The following CORO1C variants were observed in gnomAD, a reference collection of about 807,000 sequenced individuals.
CORO1C encodes coronin 1C, also known as coronin-1C.
CORO1C carries 14 observed loss-of-function variants against 51.2 expected under a neutral mutation model. The ratio of observed to expected loss-of-function variants is 0.27; its 90% CI spans 0.18 to 0.43. The LOEUF (loss-of-function observed/expected upper bound fraction) is 0.43, where lower values mean the gene tolerates loss of function less well. CORO1C is among the 20% of genes least tolerant of loss of function. CORO1C has a pLI of 1.00. For synonymous variants in CORO1C, 181 were observed against 210.5 expected, an observed-to-expected ratio of 0.86 and a Z score of 1.21; for missense variants, 417 against 607.8, an observed-to-expected ratio of 0.69 and a Z score of 3.30.
chr12:108,724,055 T>A (rs753129444), intron 1 of CORO1C, among the ~76,000 whole-genome samples: 3 of 152,204 alleles, frequency 2.0e-5, no homozygotes, highest in Non-Finnish European at 4.4e-5. Context: ...ATATCATGTA[T>A]TTTCAAGTTT....
intron 2 of CORO1C, among the ~76,000 whole-genome samples, chr12:108,689,694 G>A (rs1379644192): frequency 6.6e-6 from 1 of 152,184 alleles, no homozygotes; most frequent in Non-Finnish European, 1.5e-5. Context: ...TACATGACCT[G>A]ACTCAAAGAA....
intron 2 of CORO1C, among the ~76,000 whole-genome samples, chr12:108,698,270 G>A (rs894124139): frequency 6.6e-6 from 1 of 152,146 alleles, no homozygotes; most frequent in Non-Finnish European, 1.5e-5. Flanking sequence ...TTGAATTAGG[G>A]GGACAAAAAT....
intron 1 of CORO1C, among the ~76,000 whole-genome samples, chr12:108,712,726 A>T (rs576374333): frequency 4.3e-4 from 66 of 151,924 alleles, no homozygotes; most frequent in Non-Finnish European, 7.4e-4. Flanking sequence ...TCACGCCTGC[A>T]ATCTCAGCAT....
intron 1 of CORO1C, among the ~76,000 whole-genome samples, chr12:108,727,092 GA>G (rs2035611515): frequency 6.6e-6 from 1 of 152,158 alleles, no homozygotes; most frequent in Non-Finnish European, 1.5e-5. Context: ...TTCATTCAGC[GA>G]ATATCCAGTA....
At chr12:108,709,154 C>T (rs1357315337) in intron 1 of CORO1C, among the ~76,000 whole-genome samples, 1 of 152,030 alleles carries the variant, frequency 6.6e-6, no homozygotes, top group African/African-American at 2.4e-5. Context: ...GAACTGTACA[C>T]TTTAAATGAG....
Position 108,710,712 on chromosome 12 carries a change from T to C in CORO1C, c.-5-9389A>G, listed in dbSNP as rs140314066. ...CCGAGTAGCTGGGACAACAGGTGTGTGCCACCACACCCTGCTAATTTTTGT... is the reference window on the plus strand; with the variant it reads ...CCGAGTAGCTGGGACAACAGGTGTGCGCCACCACACCCTGCTAATTTTTGT... On this transcript the variant is annotated intron_variant, in intron 1 of 10. Coordinates refer to ENST00000261401, the MANE Select transcript of CORO1C (RefSeq NM_014325.4). Among the ~76,000 whole-genome samples the C allele has an allele frequency of 5.8e-3, 889 of 152,148 alleles. 10 individuals carry two copies. The highest frequency in any genetic ancestry group is 0.02 in the African/African-American group (843 of 41,510).
intron 2 of CORO1C, among the ~76,000 whole-genome samples, chr12:108,695,675 A>C (rs2034650031): frequency 6.6e-6 from 1 of 152,120 alleles, no homozygotes; most frequent in Admixed American, 6.5e-5. Flanking sequence ...ATACTGACTG[A>C]AATGAATCAA....
chr12:108,692,049 C>T (rs1032644613), intron 2 of CORO1C, among the ~76,000 whole-genome samples: 1 of 150,600 alleles, frequency 6.6e-6, no homozygotes, highest in Non-Finnish European at 1.5e-5. Context: ...AATGAAAAGG[C>T]CCTTCTGTGG....
intron 1 of CORO1C, among the ~76,000 whole-genome samples, chr12:108,720,487 T>C (rs1048075704): frequency 6.6e-6 from 1 of 152,090 alleles, no homozygotes; most frequent in Non-Finnish European, 1.5e-5. Flanking sequence ...TTATTTACAA[T>C]AAAAATTACG....
In CORO1C at chr12:108,709,119, T is replaced by TTA. The variant is rs200237779; in HGVS notation, c.-5-7798_-5-7797dup. Among the ~76,000 whole-genome samples the TTA allele has an allele frequency of 7.6e-4, 115 of 152,040 alleles. 1 individual carries two copies. In the East Asian group the frequency reaches 0.018, roughly 24 times the overall value. On this transcript the variant is annotated intron_variant, in intron 1 of 10. Transcript: ENST00000261401. ...GTGTTGATGGTTGCAGATTATTTGA[T>TTA]TATATATATATACTATAAACCGCTG...
intron 2 of CORO1C, among the ~76,000 whole-genome samples, chr12:108,687,349 T>C (rs943803053): frequency 3.7e-4 from 56 of 152,222 alleles, no homozygotes; most frequent in African/African-American, 1.2e-3. Context: ...TAGTCAGGTG[T>C]AGTGGTGCGC....
intron 2 of CORO1C, among the ~76,000 whole-genome samples, chr12:108,685,130 T>C (rs2034253644): frequency 6.6e-6 from 1 of 152,244 alleles, no homozygotes; most frequent in South Asian, 2.1e-4. Context: ...AATTACATAC[T>C]AAGAAGCTTC....
At chr12:108,715,859 C>A (rs1050799718) in intron 1 of CORO1C, among the ~76,000 whole-genome samples, 1 of 151,808 alleles carries the variant, frequency 6.6e-6, no homozygotes, top group Admixed American at 6.6e-5. Flanking sequence ...TGAGGCCGGG[C>A]GGGGTGGCTC....
At chr12:108,654,102 G>A (rs529659274) in intron 7 of CORO1C, among the ~76,000 whole-genome samples, 34 of 152,146 alleles carry the variant, frequency 2.2e-4, no homozygotes, top group Non-Finnish European at 4.4e-4. Flanking sequence ...GCAACATGGC[G>A]TGTTATCACT....
At position 108,648,854 on chromosome 12, in the gene CORO1C, C is replaced by T. The variant is rs372425688; in HGVS notation, c.1060-4G>A. On this transcript the variant is annotated splice_polypyrimidine_tract_variant and splice_region_variant and intron_variant, in intron 9 of 10. Coordinates refer to ENST00000261401, the MANE Select transcript of CORO1C (RefSeq NM_014325.4). ...GGTCATCTTGGAAAAGGTCAGACTA[C>T]AAGAGACATTTGGCACCCGTGGGTA... is the stretch of plus-strand genomic sequence containing the variant. 67 of 1,614,014 alleles carry T rather than the reference C, an allele frequency of 4.2e-5. No individual in the cohort carries two copies. Among genetic ancestry groups the T allele is most frequent in the Non-Finnish European group, 5.7e-5 (67 of 1,180,006 alleles).
In CORO1C at chr12:108,654,306, C is replaced by T. The variant is rs1185037194; in HGVS notation, c.855G>A (p.Lys285=). The T allele has an allele frequency of 6.3e-7, 1 of 1,591,800 alleles. No individual in the cohort carries two copies. Among genetic ancestry groups the T allele is most frequent in the Non-Finnish European group, 8.6e-7 (1 of 1,160,260 alleles). ...PDTSIIYLCG[K]GDSSIRYFEI... is the part of the protein sequence containing the mutation. The stretch of plus-strand genomic sequence containing the variant: ...ACCAAACATCAAAATTACTGTTTAC[C>T]TTTCCACATAAGTAAATGATGCTGG... Residue 285 remains lysine (K), a splice_region_variant and synonymous_variant, in exon 7 of 11, where the codon AAG becomes AAA. Coordinates refer to ENST00000261401, the MANE Select transcript of CORO1C (RefSeq NM_014325.4).
intron 7 of CORO1C, 59 bp downstream of exon 7, chr12:108,654,247 T>C: frequency 9.1e-7 from 1 of 1,102,554 alleles, no homozygotes; most frequent in Non-Finnish European, 1.4e-6. Context: ...TCTAAATCTC[T>C]GAAGGATAAA....
intron 2 of CORO1C, among the ~76,000 whole-genome samples, chr12:108,681,171 G>A (rs1444758847): frequency 6.6e-6 from 1 of 152,176 alleles, no homozygotes; most frequent in Non-Finnish European, 1.5e-5. Context: ...TGGCTTGAAT[G>A]TGTGATATTT....
chr12:108,688,785 C>T (rs915964621), intron 2 of CORO1C, among the ~76,000 whole-genome samples: 1 of 152,122 alleles, frequency 6.6e-6, no homozygotes, highest in African/African-American at 2.4e-5. Context: ...CTTGTAATCC[C>T]AGCACTTTGG....
Sources: gnomAD v4.1 joint callset for allele counts (sites outside exome capture counted in the v4.1 genomes callset) on GRCh38, gnomAD v4.1.1 for gene constraint, MANE v1.5 for transcripts, NCBI Gene and HGNC (gene_info 2026-07-23, HGNC 2026-07-21) for gene names.